Variants in KALRN observed in about 807,000 individuals in gnomAD.
KALRN encodes kalirin.
A neutral mutation model predicts 353.7 loss-of-function variants in KALRN; 70 were observed. The ratio of observed to expected loss-of-function variants is 0.20; its 90% CI spans 0.16 to 0.24. KALRN has a LOEUF of 0.24. Among genes scored for constraint, KALRN ranks in the 10% least tolerant of loss-of-function variants. The pLI is 1.00. For missense variants in KALRN, 2,791 were observed against 3,756.7 expected (o/e 0.74, Z 6.72); for synonymous variants, 1,391 against 1,434.8 (o/e 0.97, Z 0.69).
intron 33 of KALRN, among the ~76,000 whole-genome samples, chr3:124,500,057 TA>T (rs1187756959): frequency 6.6e-6 from 1 of 152,236 alleles, no homozygotes; most frequent in African/African-American, 2.4e-5. Flanking sequence ...CTAACTAATG[TA>T]AACATGGCTC....
intron 1 of KALRN, among the ~76,000 whole-genome samples, chr3:124,201,627 G>A (rs1229379061): frequency 6.6e-6 from 1 of 152,186 alleles, no homozygotes; most frequent in East Asian, 1.9e-4. Flanking sequence ...GCTGTGGTCT[G>A]TACAGGTTGA....
intron 33 of KALRN, among the ~76,000 whole-genome samples, chr3:124,525,113 G>A (rs1427282216): frequency 1.3e-5 from 2 of 152,176 alleles, no homozygotes; most frequent in Non-Finnish European, 2.9e-5. Context: ...TCTCAGCACA[G>A]TGCTTATATC....
intron 3 of KALRN, among the ~76,000 whole-genome samples, chr3:124,237,685 A>G (rs2079954702): frequency 6.6e-6 from 1 of 152,158 alleles, no homozygotes. Context: ...CTATTTATTC[A>G]TGCATTTATT....
chr3:124,271,413 G>T (rs529952470), intron 5 of KALRN, among the ~76,000 whole-genome samples: 1 of 152,332 alleles, frequency 6.6e-6, no homozygotes, highest in Admixed American at 6.5e-5. Context: ...AAGTTCCCAG[G>T]TCAAGGAGGC....
chr3:124,398,929 G>T (rs2090508726), intron 13 of KALRN, 58 bp downstream of exon 13: 40 of 1,530,516 alleles, frequency 2.6e-5, no homozygotes, highest in Non-Finnish European at 3.2e-5. Flanking sequence ...CCTGGCCAAG[G>T]GCACTGCCCC....
intron 25 of KALRN, among the ~76,000 whole-genome samples, chr3:124,473,982 A>G (rs896396545): frequency 6.6e-6 from 1 of 152,146 alleles, no homozygotes; most frequent in Non-Finnish European, 1.5e-5. Context: ...ACCCAAACCA[A>G]TGATTTAATA....
rs757618382 is a variant in KALRN at position 124,329,863 on chromosome 3, C to T, written c.1287C>T (p.Phe429=). The change falls in exon 8 of 60, where the codon TTC becomes TTT. Residue 429 remains phenylalanine (F), a splice_region_variant and synonymous_variant. Transcript: ENST00000682506. ...ATCCACCCTGCATCTCCTTCCAGTT[C>T]CTGTCGGGAGTGGATGCCTGGTGCA... is the stretch of plus-strand genomic sequence containing the variant. ...SAVFHQKAEQ[F]LSGVDAWCKM... 25 of 1,613,162 alleles carry T rather than the reference C, an allele frequency of 1.5e-5. No individual in the cohort carries two copies. Among genetic ancestry groups the T allele is most frequent in the Middle Eastern group, 1.7e-4 (1 of 6,050 alleles).
At chr3:124,670,236 G>A (rs1232729216) in intron 47 of KALRN, among the ~76,000 whole-genome samples, 2 of 152,182 alleles carry the variant, frequency 1.3e-5, no homozygotes. Context: ...CACCCGCCTT[G>A]GCCTCCCAAA....
Position 124,466,034 on chromosome 3 carries a change from C to CTGTGTGTGTGTGTGTGTGTG in KALRN, c.4031+3425_4031+3444dup, listed in dbSNP as rs10639598. On this transcript the variant is annotated intron_variant, in intron 25 of 59. Transcript: ENST00000682506. The stretch of plus-strand genomic sequence containing the variant: ...ACCAGGATTAGTTCTCTCTCTTGCT[C>CTGTGTGTGTGTGTGTGTGTG]TGTGTGTGTGTGTGTGTGTGTGTGT... Among the ~76,000 whole-genome samples, 22 of 147,458 alleles carry CTGTGTGTGTGTGTGTGTGTG rather than the reference C, an allele frequency of 1.5e-4. No individual in the cohort carries two copies. In the East Asian group the frequency reaches 4.3e-3, roughly 29 times the overall value.
chr3:124,697,159 A>G (rs2062093317), intron 54 of KALRN, among the ~76,000 whole-genome samples: 1 of 152,156 alleles, frequency 6.6e-6, no homozygotes, highest in Non-Finnish European at 1.5e-5. Context: ...TGGCATCCCA[A>G]AGTGCTAGGA....
chr3:124,566,492 G>A (rs1250582148), intron 34 of KALRN, among the ~76,000 whole-genome samples: 1 of 141,538 alleles, frequency 7.1e-6, no homozygotes, highest in Non-Finnish European at 1.5e-5. Flanking sequence ...GTTGCAGAGT[G>A]AAACCCTGTC....
At chr3:124,452,323 A>G (rs1476807902) in intron 21 of KALRN, among the ~76,000 whole-genome samples, 1 of 152,216 alleles carries the variant, frequency 6.6e-6, no homozygotes, top group Non-Finnish European at 1.5e-5. Flanking sequence ...TTGCTCATTC[A>G]TTCATTCAGT....
At position 124,413,544 on chromosome 3, in the gene KALRN, C is replaced by T. The variant is rs775380051; in HGVS notation, c.2421C>T (p.Thr807=). The T allele has an allele frequency of 6.2e-7, 1 of 1,614,112 alleles. No individual in the cohort carries two copies. The highest frequency in any genetic ancestry group is 2.2e-5 in the East Asian group (1 of 44,864). Residue 807 remains threonine, a synonymous_variant, in exon 14 of 60, where the codon ACC becomes ACT. Transcript: ENST00000682506. ...QMNDFNTEDL[T]LAEQRLQRHT... ...ATGACTTCAACACAGAGGACCTAAC[C>T]CTGGCAGAACAGCGGCTGCAGCGCC...
rs754319334 is a variant in KALRN, at chr3:124,456,742, T to C, written c.3854+14T>C. The C allele has an allele frequency of 3.8e-6, 6 of 1,587,226 alleles. No individual in the cohort carries two copies. The stretch of plus-strand genomic sequence containing the variant: ...CCGGAAGAAAGAGTACGTGTTGGCT[T>C]CCGCCCAGCTAGCTGGCTCCCCGTG... On this transcript the variant is annotated intron_variant, in intron 23 of 59. Transcript: ENST00000682506.
intron 33 of KALRN, among the ~76,000 whole-genome samples, chr3:124,537,572 G>A (rs1410369461): frequency 6.6e-6 from 1 of 152,166 alleles, no homozygotes; most frequent in Non-Finnish European, 1.5e-5. Context: ...CCTCGAGGAT[G>A]GAAAAGGATT....
At chr3:124,097,050 AGG>A (rs2061498424) in intron 1 of KALRN, among the ~76,000 whole-genome samples, 1 of 152,190 alleles carries the variant, frequency 6.6e-6, no homozygotes, top group African/African-American at 2.4e-5. Context: ...TCTGATTTCC[AGG>A]TGTTTGGAGG....
intron 1 of KALRN, among the ~76,000 whole-genome samples, chr3:124,100,142 C>T (rs999251546): frequency 4.6e-5 from 7 of 151,758 alleles, no homozygotes; most frequent in Non-Finnish European, 7.4e-5. Flanking sequence ...CCAGCCTGGG[C>T]GATATAACGA....
rs1204032635 is a variant in KALRN, at chr3:124,650,833, G to C, written c.5690G>C (p.Gly1897Ala). The C allele has an allele frequency of 1.9e-6, 3 of 1,613,790 alleles. No individual in the cohort carries two copies. In the Admixed American group the frequency reaches 5.0e-5, roughly 27 times the overall value. ...AGTCTAGAAGGAAGCTCATACCGGG[G>C]GAGCTTGAAAGACCCTGCAGGCTGC... ...KLSLEGSSYR[G>A]SLKDPAGCLN... The change falls in exon 38 of 60, where the codon GGG (glycine) becomes GCG (alanine). Residue 1897 changes from glycine to alanine, a missense_variant. This residue lies in a region of KALRN where 1,065 missense variants were observed against 1,156.4 expected (regional missense o/e 0.92). Coordinates refer to ENST00000682506, the MANE Select transcript of KALRN (RefSeq NM_001388419.1).
chr3:124,082,244 C>T lies in KALRN; in HGVS notation c.73+48431C>T, dbSNP rs1031786894. 4 of 470,676 alleles carry T rather than the reference C, an allele frequency of 8.5e-6. No individual in the cohort carries two copies. In the Admixed American group the frequency reaches 9.4e-5, roughly 11 times the overall value. 29.2% of individuals were successfully genotyped at this position (470,676 alleles called of 1,614,324 possible). On this transcript the variant is annotated intron_variant, in intron 1 of 59. Coordinates refer to ENST00000682506, the MANE Select transcript of KALRN (RefSeq NM_001388419.1). The stretch of plus-strand genomic sequence containing the variant: ...TTGAGGAAAAGTTCTTGTGTTTCCT[C>T]ATTTTTAGGGCAACTAGTATGGAAA...
Sources: gnomAD v4.1 joint callset for allele counts (sites outside exome capture counted in the v4.1 genomes callset) on GRCh38, gnomAD v4.1.1 for gene constraint, gnomAD v4.1.1 regional missense constraint, MANE v1.5 for transcripts, NCBI Gene and HGNC (gene_info 2026-07-23, HGNC 2026-07-21) for gene names.